Variants in SHOC1 observed in about 807,000 individuals in gnomAD.
The protein encoded by SHOC1 is protein shortage in chiasmata 1 ortholog.
SHOC1 carries 136 observed loss-of-function variants against 179.2 expected under a neutral mutation model. The ratio of observed to expected loss-of-function variants is 0.76; its 90% confidence interval spans 0.66 to 0.87. The LOEUF (loss-of-function observed/expected upper bound fraction) is 0.87. SHOC1 is among the 40% of genes least tolerant of loss of function. The pLI, the probability that SHOC1 is intolerant of heterozygous loss-of-function variation, is 0.00. For missense variants in SHOC1, 1,538 were observed against 1,700.8 expected, an observed-to-expected ratio of 0.90 and a Z score of 1.68; for synonymous variants, 489 against 586.6, an observed-to-expected ratio of 0.83 and a Z score of 2.41.
intron 4 of SHOC1, among the ~76,000 whole-genome samples, chr9:111,780,011 G>C (rs1589473387): frequency 6.6e-6 from 1 of 152,196 alleles, no homozygotes; most frequent in African/African-American, 2.4e-5. Context: ...TTACTCATAT[G>C]ATACATACTT....
chr9:111,777,639 G>C (rs1178183940), intron 4 of SHOC1, among the ~76,000 whole-genome samples: 12 of 152,064 alleles, frequency 7.9e-5, no homozygotes, highest in Non-Finnish European at 2.9e-5. Flanking sequence ...AGGTATATCT[G>C]TATCATACCA....
rs946714274 is a variant in SHOC1 at position 111,794,932 on chromosome 9, T to C, written c.-69A>G. 1 of 152,858 alleles carries C rather than the reference T, an allele frequency of 6.5e-6. No homozygotes were observed. Among genetic ancestry groups the C allele is most frequent in the Non-Finnish European group, 1.5e-5 (1 of 68,598 alleles). 9.5% of individuals were successfully genotyped at this position (152,858 alleles called of 1,614,324 possible). A position where few individuals can be genotyped will look rare whatever the true frequency, so the allele number is the denominator to read the frequency against. On this transcript the variant is annotated 5_prime_UTR_variant, in exon 1 of 28. Transcript: ENST00000682961. ...AAAAATCGCCTCCTGCATCTCTTCC[T>C]GGGGTAAAATTCCCGCCCGCTGGAC... is the stretch of plus-strand genomic sequence containing the variant.
Position 111,756,336 on chromosome 9 carries a change from A to G in SHOC1, c.851T>C (p.Leu284Pro). Residue 284 changes from leucine (L) to proline (P), a missense_variant, in exon 8 of 28, where the codon CTT becomes CCT. Coordinates refer to ENST00000682961, the MANE Select transcript of SHOC1 (RefSeq NM_001378211.1). ...IINYVDEKEK[L>P]FERDLTNKHG... ...CAATTAATTCTCACCTCTTTCAAAA[A>G]GCTTTTCCTTTTCATCTACATAGTT... The G allele has an allele frequency of 6.3e-7, 1 of 1,592,220 alleles. No individual in the cohort carries two copies. Among genetic ancestry groups the G allele is most frequent in the South Asian group, 1.2e-5 (1 of 85,660 alleles).
chr9:111,760,759 C>T (rs1043592453), intron 5 of SHOC1, among the ~76,000 whole-genome samples: 1 of 151,412 alleles, frequency 6.6e-6, no homozygotes, highest in African/African-American at 2.4e-5. Context: ...TATTGAAGAT[C>T]ATTTTTTTAA....
rs1401528655 is a variant in SHOC1 at position 111,692,096 on chromosome 9, A to C, written c.3881T>G (p.Val1294Gly). 1 of 1,613,858 alleles carries C rather than the reference A, an allele frequency of 6.2e-7. No homozygotes were observed. Among genetic ancestry groups the C allele is most frequent in the Non-Finnish European group, 8.5e-7 (1 of 1,179,802 alleles). The change falls in exon 27 of 28, where the codon GTC (valine) becomes GGC (glycine). Residue 1294 changes from valine to glycine, a missense_variant. Coordinates refer to ENST00000682961, the MANE Select transcript of SHOC1 (RefSeq NM_001378211.1). ...CATTTGTGTTAGACCCAAAGAAAAG[A>C]CATCTGACTCTGAATCACTGTGGTT... ...FLNHSDSESD[V>G]FSLGLTQMNC...
At chr9:111,731,861 T>G (rs892554360) in intron 12 of SHOC1, among the ~76,000 whole-genome samples, 1 of 152,140 alleles carries the variant, frequency 6.6e-6, no homozygotes, top group Non-Finnish European at 1.5e-5. Context: ...AATTCTAAAG[T>G]TGGAAATGCT....
chr9:111,693,997 G>A, intron 25 of SHOC1, 49 bp from the exon 26 acceptor site: 2 of 1,455,568 alleles, frequency 1.4e-6, no homozygotes, highest in South Asian at 1.2e-5. Flanking sequence ...TTGAAAGTGA[G>A]CCATTTTATT....
chr9:111,723,707 G>C, intron 14 of SHOC1, 85 bp downstream of exon 14: 2 of 1,275,396 alleles, frequency 1.6e-6, no homozygotes, highest in Non-Finnish European at 2.2e-6. Flanking sequence ...AAAATGACAT[G>C]GAAAATGAGG....
intron 5 of SHOC1, 140 bp downstream of exon 5, chr9:111,775,651 C>T (rs549572310): frequency 6.3e-5 from 38 of 603,030 alleles, no homozygotes; most frequent in Middle Eastern, 4.0e-4. Context: ...AAATACTGCC[C>T]TAATGTGGCA....
At chr9:111,766,515 G>A (rs1005676323) in intron 5 of SHOC1, among the ~76,000 whole-genome samples, 4 of 152,048 alleles carry the variant, frequency 2.6e-5, no homozygotes, top group African/African-American at 9.7e-5. Context: ...GTGTACAAGA[G>A]TTCCCATTTC....
chr9:111,714,646 A>AAATT, intron 16 of SHOC1, 23 bp from the exon 17 acceptor site: 1 of 1,586,236 alleles, frequency 6.3e-7, no homozygotes, highest in Non-Finnish European at 8.6e-7. Context: ...AATTAGAAAA[A>AAATT]AATTGTCTAA....
chr9:111,702,334 G>A (rs1832016853), intron 22 of SHOC1, 108 bp from the exon 23 acceptor site: 1 of 748,760 alleles, frequency 1.3e-6, no homozygotes, highest in Non-Finnish European at 2.1e-6. Flanking sequence ...GTTGAAAAGA[G>A]GCATGGGTAT....
intron 6 of SHOC1, among the ~76,000 whole-genome samples, 178 bp downstream of exon 6, chr9:111,758,517 A>C (rs1407400681): frequency 6.6e-6 from 1 of 152,236 alleles, no homozygotes; most frequent in Non-Finnish European, 1.5e-5. Context: ...TGTGCCCAGG[A>C]GGCGGAGGTT....
chr9:111,763,656 G>A (rs915826816), intron 5 of SHOC1, among the ~76,000 whole-genome samples: 2 of 152,140 alleles, frequency 1.3e-5, no homozygotes, highest in Admixed American at 1.3e-4. Context: ...TTCTCAGGAG[G>A]CTGTGAGTGG....
intron 1 of SHOC1, among the ~76,000 whole-genome samples, chr9:111,792,880 C>T (rs1234403831): frequency 6.7e-6 from 1 of 150,082 alleles, no homozygotes; most frequent in Non-Finnish European, 1.5e-5. Flanking sequence ...CCCAGTGTAT[C>T]ACTGATCTTT....
At chr9:111,769,975 GTTTTTTTTTTGTTT>G (rs1835511216) in intron 5 of SHOC1, among the ~76,000 whole-genome samples, 1 of 87,806 alleles carries the variant, frequency 1.1e-5, no homozygotes, top group Non-Finnish European at 2.2e-5. Context: ...TTTATCTTCT[GTTTTTTTTTTGTTT>G]TTTTTTTTTT....
In SHOC1 at chr9:111,691,692, C is replaced by A; in HGVS notation, c.4285G>T (p.Asp1429Tyr). ...WRELPSVPSL[D>Y]LFRASDSNAN... is the part of the protein sequence containing the mutation. The stretch of plus-strand genomic sequence containing the variant: ...TTAGAATCAGAAGCACGAAATAAAT[C>A]CAAACTGGGGACAGATGGTAATTCT... Residue 1429 changes from aspartate to tyrosine, a missense_variant, in exon 27 of 28, where the codon GAT becomes TAT. Transcript: ENST00000682961. 6.2e-7 allele frequency: 1 copy of A among 1,613,926 alleles called. No homozygotes were observed. Among genetic ancestry groups the A allele is most frequent in the Non-Finnish European group, 8.5e-7 (1 of 1,179,924 alleles).
At chr9:111,700,506 G>A in intron 23 of SHOC1, among the ~76,000 whole-genome samples, 1 of 152,170 alleles carries the variant, frequency 6.6e-6, no homozygotes, top group East Asian at 1.9e-4. Context: ...CAGGTCAGAT[G>A]TAAGTGCTGA....
At chr9:111,690,750 C>T (rs78586277) in intron 27 of SHOC1, among the ~76,000 whole-genome samples, 35 of 152,206 alleles carry the variant, frequency 2.3e-4, no homozygotes, top group Non-Finnish European at 3.5e-4. Flanking sequence ...AGAGCAAATC[C>T]AAGCATTACA....
Sources: allele counts gnomAD v4.1 joint callset (sites outside exome capture counted in the v4.1 genomes callset), GRCh38; gene constraint gnomAD v4.1.1; transcripts MANE v1.5; gene names NCBI Gene and HGNC (gene_info 2026-07-23, HGNC 2026-07-21).